The following PREX2 variants were observed in gnomAD, a reference collection of about 807,000 sequenced individuals.
The protein encoded by PREX2 is phosphatidylinositol 3,4,5-trisphosphate-dependent Rac exchanger 2 protein.
PREX2 carries 107 observed loss-of-function variants against 203.2 expected under a neutral mutation model. That is an observed-to-expected ratio of 0.53 (90% CI 0.45 to 0.62). The LOEUF (loss-of-function observed/expected upper bound fraction) is 0.62. Among genes scored for constraint, PREX2 ranks in the 20% least tolerant of loss-of-function variants. The pLI, the probability that PREX2 is intolerant of heterozygous loss-of-function variation, is 0.00. For synonymous variants in PREX2, 672 were observed against 663.6 expected, an observed-to-expected ratio of 1.01 and a Z score of -0.19; for missense variants, 1,777 against 1,955.9, an observed-to-expected ratio of 0.91 and a Z score of 1.72.
At chr8:68,185,913 T>G (rs1050200979) in intron 35 of PREX2, among the ~76,000 whole-genome samples, 1 of 148,648 alleles carries the variant, frequency 6.7e-6, no homozygotes, top group African/African-American at 2.5e-5. Context: ...ATGATGTCAT[T>G]CTTACTAACC....
chr8:68,096,668 G>T (rs1051177779), intron 21 of PREX2, among the ~76,000 whole-genome samples: 1 of 151,924 alleles, frequency 6.6e-6, no homozygotes, highest in African/African-American at 2.4e-5. Context: ...AACATTCGAG[G>T]CAGTTTTAGA....
chr8:68,062,288 G>T (rs1453442612), intron 11 of PREX2, among the ~76,000 whole-genome samples: 3 of 151,978 alleles, frequency 2.0e-5, no homozygotes, highest in Admixed American at 6.6e-5. Flanking sequence ...ACACTCTCCG[G>T]GTCACAGCTA....
At chr8:68,228,972 G>GAAAAAAAGGAAA (rs60452917) in intron 39 of PREX2, among the ~76,000 whole-genome samples, 1 of 117,236 alleles carries the variant, frequency 8.5e-6, no homozygotes. Flanking sequence ...AAAAAAGAAA[G>GAAAAAAAGGAAA]AAAAAAATGG....
chr8:67,996,365 T>A (rs1806766385), intron 1 of PREX2, among the ~76,000 whole-genome samples: 1 of 151,758 alleles, frequency 6.6e-6, no homozygotes, highest in Non-Finnish European at 1.5e-5. Context: ...CTGGCTAATT[T>A]TTTTTTTTTA....
rs1370195888 is a variant in PREX2, at chr8:68,019,725, T to C, written c.336+54T>C. The C allele has an allele frequency of 2.7e-5, 42 of 1,534,842 alleles. 1 individual carries two copies. The South Asian group carries it at 4.7e-4, about 17-fold the overall frequency. On this transcript the variant is annotated intron_variant, in intron 3 of 39. Coordinates refer to ENST00000288368, the MANE Select transcript of PREX2 (RefSeq NM_024870.4). Reference sequence around the variant, plus strand: ...GTTCTTTTCCCCTAGATTTTGAGATTTAGCTCTTGGCATAGTGGTATGTGT... The same window carrying C: ...GTTCTTTTCCCCTAGATTTTGAGATCTAGCTCTTGGCATAGTGGTATGTGT...
intron 35 of PREX2, among the ~76,000 whole-genome samples, chr8:68,184,786 A>T (rs1413832845): frequency 1.3e-5 from 2 of 152,176 alleles, no homozygotes; most frequent in East Asian, 1.9e-4. Flanking sequence ...GAAGAATGCC[A>T]TTTTTGTCAC....
chr8:68,077,563 G>T, intron 15 of PREX2, 94 bp downstream of exon 15: 1 of 932,324 alleles, frequency 1.1e-6, no homozygotes, highest in Non-Finnish European at 1.8e-6. Flanking sequence ...AGGTCATTTA[G>T]GGATGAGCCA....
intron 32 of PREX2, among the ~76,000 whole-genome samples, chr8:68,137,522 C>T (rs569081034): frequency 2.6e-4 from 39 of 152,214 alleles, no homozygotes; most frequent in East Asian, 7.7e-4. Context: ...CCTCCTGCCT[C>T]GGCCTCCCAA....
intron 10 of PREX2, among the ~76,000 whole-genome samples, chr8:68,059,075 C>T (rs1199862901): frequency 2.6e-5 from 4 of 152,058 alleles, no homozygotes; most frequent in African/African-American, 9.7e-5. Flanking sequence ...TGACATTAGC[C>T]ATTTTTCTTG....
At chr8:68,077,310 T>C in intron 14 of PREX2, 87 bp from the exon 15 acceptor site, 1 of 893,280 alleles carries the variant, frequency 1.1e-6, no homozygotes, top group Non-Finnish European at 1.9e-6. Context: ...TTTGTCTGAA[T>C]TTGGTGCTGG....
intron 18 of PREX2, among the ~76,000 whole-genome samples, chr8:68,087,086 C>G (rs1202120283): frequency 6.6e-6 from 1 of 152,132 alleles, no homozygotes; most frequent in African/African-American, 2.4e-5. Context: ...TAGCACAGTA[C>G]AGGGCAACTT....
intron 30 of PREX2, among the ~76,000 whole-genome samples, chr8:68,121,596 T>C (rs1337564822): frequency 6.6e-6 from 1 of 152,156 alleles, no homozygotes; most frequent in Admixed American, 6.6e-5. Context: ...ACGACTTCAT[T>C]GAGATAGATT....
At chr8:68,019,879 C>G (rs1020393825) in intron 3 of PREX2, among the ~76,000 whole-genome samples, 1 of 152,152 alleles carries the variant, frequency 6.6e-6, no homozygotes. Context: ...GAATAAACAG[C>G]CTTTTCTTTT....
At chr8:68,134,377 C>G in intron 32 of PREX2, 101 bp downstream of exon 32, 1 of 940,292 alleles carries the variant, frequency 1.1e-6, no homozygotes, top group Non-Finnish European at 1.6e-6. Flanking sequence ...CTGGTTATCT[C>G]TATGAATGTG....
At chr8:68,071,897 G>A (rs1809205981) in intron 13 of PREX2, among the ~76,000 whole-genome samples, 1 of 152,000 alleles carries the variant, frequency 6.6e-6, no homozygotes, top group Non-Finnish European at 1.5e-5. Flanking sequence ...AGGAATAAAA[G>A]GCATTTCTTT....
At chr8:68,105,106 T>G (rs766913825) in intron 23 of PREX2, 3 of 1,361,854 alleles carry the variant, frequency 2.2e-6, no homozygotes, top group Non-Finnish European at 2.9e-6. Flanking sequence ...TGAACCACCA[T>G]CAATTCAAGA....
chr8:68,044,370 T>C lies in PREX2; in HGVS notation c.840-117T>C, dbSNP rs552194999. 5 of 682,278 alleles carry C rather than the reference T, an allele frequency of 7.3e-6. No individual in the cohort carries two copies. The East Asian group carries it at 1.3e-4, about 18-fold the overall frequency. 42.3% of individuals were successfully genotyped at this position (682,278 alleles called of 1,614,324 possible). A position where few individuals can be genotyped will look rare whatever the true frequency, so the allele number is the denominator to read the frequency against. On this transcript the variant is annotated intron_variant, in intron 7 of 39. Transcript: ENST00000288368. ...TGGAAAGATCTCCAGGAGTCTAATG[T>C]TTGATATTGTCGATTGAATTGGTGT... is the stretch of plus-strand genomic sequence containing the variant.
chr8:67,989,236 CATT>C (rs1806527364), intron 1 of PREX2, among the ~76,000 whole-genome samples: 1 of 152,046 alleles, frequency 6.6e-6, no homozygotes, highest in Admixed American at 6.5e-5. Context: ...ATACAAAAGA[CATT>C]ATAATTTAGT....
intron 34 of PREX2, among the ~76,000 whole-genome samples, chr8:68,151,182 A>G (rs555057306): frequency 2.0e-5 from 3 of 152,256 alleles, no homozygotes; most frequent in South Asian, 2.1e-4. Flanking sequence ...GAACTTTCTG[A>G]GGCCAAGATG....
Sources: allele counts gnomAD v4.1 joint callset (sites outside exome capture counted in the v4.1 genomes callset), GRCh38; gene constraint gnomAD v4.1.1; transcripts MANE v1.5; gene names NCBI Gene and HGNC (gene_info 2026-07-23, HGNC 2026-07-21).